CACNB3: variants seen among roughly 807,000 people sequenced by gnomAD.
CACNB3 encodes the protein calcium voltage-gated channel auxiliary subunit beta 3, also known as voltage-dependent L-type calcium channel subunit beta-3.
A neutral mutation model predicts 63.7 loss-of-function variants in CACNB3; 36 were observed. The observed-to-expected ratio is 0.57, with a 90% CI of 0.43 to 0.75. CACNB3 has a LOEUF of 0.75. Among genes scored for constraint, CACNB3 ranks in the 30% least tolerant of loss-of-function variants. CACNB3 has a pLI of 0.00. For missense variants in CACNB3, 493 were observed against 648.6 expected (o/e 0.76, Z 2.61); for synonymous variants, 241 against 250.6 (o/e 0.96, Z 0.36).
chr12:48,823,418 C>T lies in CACNB3; in HGVS notation c.120C>T (p.Ala40=). The T allele has an allele frequency of 6.2e-7, 1 of 1,614,126 alleles. No individual in the cohort carries two copies. The highest frequency in any genetic ancestry group is 1.1e-5 in the South Asian group (1 of 91,078). ...CCCTGGAGGAGGACCGGGAGAGTGCCCGGCGTGAAGTAGAGAGCCAGGCTC... is the reference window on the plus strand; with the variant it reads ...CCCTGGAGGAGGACCGGGAGAGTGCTCGGCGTGAAGTAGAGAGCCAGGCTC... The part of the protein sequence containing the change: ...DVSLEEDRES[A]RREVESQAQQ... Residue 40 remains alanine, a synonymous_variant, in exon 2 of 13, where the codon GCC becomes GCT. Coordinates refer to ENST00000301050, the MANE Select transcript of CACNB3 (RefSeq NM_000725.4). This position sits in a 1 kb window ranked among gnomAD's most constrained non-coding sequence, Gnocchi z 4.2.
At position 48,825,423 on chromosome 12, in the gene CACNB3, C is replaced by T. The variant is rs1443406777; in HGVS notation, c.574-11C>T. The T allele has an allele frequency of 6.2e-7, 1 of 1,613,950 alleles. No homozygotes were observed. The stretch of plus-strand genomic sequence containing the variant: ...AAAGGGGCCCTTCATCAGTGCCATG[C>T]CTTCCCCCAGGTCACAGACATGATG... On this transcript the variant is annotated splice_polypyrimidine_tract_variant and intron_variant, in intron 7 of 12. Transcript: ENST00000301050. This position sits in a 1 kb window ranked among gnomAD's most constrained non-coding sequence, Gnocchi z 4.5.
At position 48,826,882 on chromosome 12, in the gene CACNB3, GC is replaced by G; in HGVS notation, c.990+31del. ...GAGTGCCTGGGTCAGCTGCTCCTGT[GC>G]CCACTCCCCCAGGGCTGCGGCAGTG... On this transcript the variant is annotated intron_variant, in intron 11 of 12. Transcript: ENST00000301050. This position sits in a 1 kb window ranked among gnomAD's most constrained non-coding sequence, Gnocchi z 4.8. 1 of 1,611,766 alleles carries G rather than the reference GC, an allele frequency of 6.2e-7. No homozygotes were observed. The highest frequency in any genetic ancestry group is 8.5e-7 in the Non-Finnish European group (1 of 1,177,902).
chr12:48,815,217 C>T (rs1942256204), upstream of CACNB3: 1 of 183,238 alleles, frequency 5.5e-6, no homozygotes, highest in Admixed American at 5.5e-5. Context: ...CCGCCAAGAG[C>T]TCAGGAGCTG....
intron 1 of CACNB3, among the ~76,000 whole-genome samples, 190 bp downstream of exon 1, chr12:48,819,164 T>A (rs1937708448): frequency 6.6e-6 from 1 of 151,652 alleles, no homozygotes; most frequent in South Asian, 2.1e-4. Context: ...ACTCAGACCC[T>A]GGGGCATCGG....
At chr12:48,820,898 C>G (rs1937814080) in intron 1 of CACNB3, 1 of 152,200 alleles carries the variant, frequency 6.6e-6, no homozygotes, top group Non-Finnish European at 1.5e-5. Context: ...GTTATGATTA[C>G]TAAATTAGGC....
intron 3 of CACNB3, 43 bp from the exon 4 acceptor site, chr12:48,824,215 G>A: frequency 6.7e-7 from 1 of 1,503,004 alleles, no homozygotes; most frequent in Non-Finnish European, 9.1e-7. Context: ...GACTGGGGCG[G>A]GGCGCTTCTC....
In CACNB3 at chr12:48,818,960, G is replaced by C; in HGVS notation, c.31G>C (p.Glu11Gln). 6.2e-7 allele frequency: 1 copy of C among 1,605,612 alleles called. No individual in the cohort carries two copies. Among genetic ancestry groups the C allele is most frequent in the East Asian group, 2.3e-5 (1 of 44,436 alleles). Reference sequence around the variant, plus strand: ...TGACGACTCCTACGTGCCCGGGTTTGAGGACTCGGAGGCGGTGAGTGCCCA... The same window carrying C: ...TGACGACTCCTACGTGCCCGGGTTTCAGGACTCGGAGGCGGTGAGTGCCCA... Reference protein sequence around the residue: MYDDSYVPGFEDSEAGSADSY... With the variant: MYDDSYVPGFQDSEAGSADSY... Residue 11 changes from glutamate to glutamine, a missense_variant, in exon 1 of 13, where the codon GAG (glutamate) becomes CAG (glutamine). Glu to Gln is a conservative substitution (Grantham distance 29). Transcript: ENST00000301050. The surrounding 1 kb of genome is among the most constrained non-coding windows in gnomAD (Gnocchi z 4.3).
chr12:48,828,817 A>AG lies in CACNB3; in HGVS notation c.*921dup. 2.2e-6 allele frequency: 1 copy of AG among 454,862 alleles called. No individual in the cohort carries two copies. Among genetic ancestry groups the AG allele is most frequent in the Middle Eastern group, 3.4e-4 (1 of 2,982 alleles). The allele number at this position is 454,862 out of a possible 1,614,324, so 28.2% of individuals were successfully genotyped here. A position where few individuals can be genotyped will look rare whatever the true frequency, so the allele number is the denominator to read the frequency against. On this transcript the variant is annotated 3_prime_UTR_variant, in exon 13 of 13. Coordinates refer to ENST00000301050, the MANE Select transcript of CACNB3 (RefSeq NM_000725.4). The stretch of plus-strand genomic sequence containing the variant: ...AGGTTAGGGTTAGATGGGGAGAGAC[A>AG]GGGCACAGAGGACCTGTCTCCCCGG...
chr12:48,822,387 T>G (rs544573518), intron 1 of CACNB3, among the ~76,000 whole-genome samples: 2 of 152,290 alleles, frequency 1.3e-5, no homozygotes, highest in East Asian at 3.9e-4. Flanking sequence ...GACCGTCAAA[T>G]GCACCCTCAT....
Position 48,818,998 on chromosome 12 carries a change from G to T in CACNB3, c.45+24G>T, listed in dbSNP as rs562813908. 10 of 1,600,178 alleles carry T rather than the reference G, an allele frequency of 6.2e-6. No individual in the cohort carries two copies. In the African/African-American group the frequency reaches 1.2e-4, roughly 19 times the overall value. The stretch of plus-strand genomic sequence containing the variant: ...CGGTGAGTGCCCACGATGAGGGTGG[G>T]GGCGGGGAAGTTGGGGTGACACCTC... On this transcript the variant is annotated intron_variant, in intron 1 of 12. Coordinates refer to ENST00000301050, the MANE Select transcript of CACNB3 (RefSeq NM_000725.4). This position sits in a 1 kb window ranked among gnomAD's most constrained non-coding sequence, Gnocchi z 4.3.
upstream of CACNB3, chr12:48,815,493 G>A (rs1942262369): frequency 1.6e-6 from 2 of 1,267,178 alleles, no homozygotes; most frequent in Admixed American, 2.8e-5. Flanking sequence ...AAGGAAGGGA[G>A]AGGGAGGGAG....
intron 1 of CACNB3, among the ~76,000 whole-genome samples, chr12:48,822,439 T>C (rs1937897713): frequency 6.6e-6 from 1 of 152,172 alleles, no homozygotes. Flanking sequence ...GAGACTCTCC[T>C]TGCTCATGTT....
rs143529304 is a variant in CACNB3 at position 48,822,454 on chromosome 12, C to T, written c.46-890C>T. Among the ~76,000 whole-genome samples, 547 of 152,300 alleles carry T rather than the reference C, an allele frequency of 3.6e-3. 1 individual carries two copies. The highest frequency in any genetic ancestry group is 0.01 in the Middle Eastern group (3 of 294). On this transcript the variant is annotated intron_variant, in intron 1 of 12. Coordinates refer to ENST00000301050, the MANE Select transcript of CACNB3 (RefSeq NM_000725.4). ...GAGACTCTCCTTGCTCATGTTACCC[C>T]CTCCCCACATCCCCGGGGTCCTGCT...
rs1365002296 is a variant in CACNB3, at chr12:48,825,985, C to T, written c.742+216C>T. 5.3e-5 allele frequency among the ~76,000 whole-genome samples: 8 copies of T among 152,110 alleles called. No homozygotes were observed. Among genetic ancestry groups the T allele is most frequent in the East Asian group, 1.9e-4 (1 of 5,190 alleles). On this transcript the variant is annotated intron_variant, in intron 9 of 12. Coordinates refer to ENST00000301050, the MANE Select transcript of CACNB3 (RefSeq NM_000725.4). The surrounding 1 kb of genome is among the most constrained non-coding windows in gnomAD (Gnocchi z 4.5). ...CCGGGACTACAGGCGCCCATCACCACGCCCAGCTAATTTTTGCATTTTTAG... is the reference window on the plus strand; with the variant it reads ...CCGGGACTACAGGCGCCCATCACCATGCCCAGCTAATTTTTGCATTTTTAG...
chr12:48,819,733 G>A (rs998076554), intron 1 of CACNB3: 4 of 445,892 alleles, frequency 9.0e-6, no homozygotes, highest in African/African-American at 6.1e-5. Flanking sequence ...CCTGGGGATG[G>A]AGAGGAAGCG....
rs369238353 is a variant in CACNB3 at position 48,825,340 on chromosome 12, G to A, written c.574-94G>A. 14 of 1,567,226 alleles carry A rather than the reference G, an allele frequency of 8.9e-6. No individual in the cohort carries two copies. Among genetic ancestry groups the A allele is most frequent in the East Asian group, 4.5e-5 (2 of 44,604 alleles). On this transcript the variant is annotated intron_variant, in intron 7 of 12. Coordinates refer to ENST00000301050, the MANE Select transcript of CACNB3 (RefSeq NM_000725.4). This position sits in a 1 kb window ranked among gnomAD's most constrained non-coding sequence, Gnocchi z 4.5. ...GAAGGGGTGTGTCTCCTCCGTCCAGGGTGTGTATGTGGAGCGCATTGACTC... is the reference window on the plus strand; with the variant it reads ...GAAGGGGTGTGTCTCCTCCGTCCAGAGTGTGTATGTGGAGCGCATTGACTC...
At position 48,825,131 on chromosome 12, in the gene CACNB3, T is replaced by C. The variant is rs763334529; in HGVS notation, c.493-32T>C. On this transcript the variant is annotated intron_variant, in intron 6 of 12. Coordinates refer to ENST00000301050, the MANE Select transcript of CACNB3 (RefSeq NM_000725.4). This position sits in a 1 kb window ranked among gnomAD's most constrained non-coding sequence, Gnocchi z 4.5. Reference sequence around the variant, plus strand: ...AGGCATGAGACAGGCACCAGGGCCATGGTTTCTACTGACCTCATGTCCATT... The same window carrying C: ...AGGCATGAGACAGGCACCAGGGCCACGGTTTCTACTGACCTCATGTCCATT... 2.5e-6 allele frequency: 4 copies of C among 1,610,812 alleles called. No homozygotes were observed. The highest frequency in any genetic ancestry group is 3.4e-6 in the Non-Finnish European group (4 of 1,177,086).
upstream of CACNB3, chr12:48,818,384 G>A: frequency 1.1e-6 from 1 of 907,770 alleles, no homozygotes; most frequent in Non-Finnish European, 1.3e-6. The surrounding 1 kb of genome is among the most constrained non-coding windows in gnomAD (Gnocchi z 4.3). Context: ...CCCCGCCGCA[G>A]CCCTTTGTTT....
rs772943250 is a variant in CACNB3, at chr12:48,824,286, G to A, written c.320G>A (p.Arg107Gln). Residue 107 changes from arginine (R) to glutamine (Q), a missense_variant, in exon 4 of 13, where the codon CGG (arginine) becomes CAG (glutamine). Physicochemically the swap from Arg to Gln is conservative, Grantham distance 43 (BLOSUM62 1). Transcript: ENST00000301050. ...TACAGCAATGACTGGTGGATCGGGC[G>A]GCTAGTGAAAGAGGGCGGGGACATC... ...EKYSNDWWIG[R>Q]LVKEGGDIAF... 14 of 1,613,106 alleles carry A rather than the reference G, an allele frequency of 8.7e-6. No individual in the cohort carries two copies. The highest frequency in any genetic ancestry group is 3.3e-4 in the Middle Eastern group (2 of 6,080).
Sources: gnomAD v4.1 joint callset for allele counts (sites outside exome capture counted in the v4.1 genomes callset) on GRCh38, gnomAD v4.1.1 for gene constraint, Gnocchi (gnomAD v3.1) non-coding constraint, MANE v1.5 for transcripts, NCBI Gene and HGNC (gene_info 2026-07-23, HGNC 2026-07-21) for gene names.